VAV3: variants seen among roughly 807,000 people sequenced by gnomAD.
The protein encoded by VAV3 is guanine nucleotide exchange factor VAV3.
VAV3 carries 94 observed loss-of-function variants against 131.2 expected under a neutral mutation model. The ratio of observed to expected loss-of-function variants is 0.72; its 90% CI spans 0.61 to 0.85. The LOEUF is 0.85. Among genes scored for constraint, VAV3 ranks in the 40% least tolerant of loss-of-function variants. The probability of loss-of-function intolerance (pLI) is 0.00; values close to 1 mark genes in which losing one functional copy is unlikely to be tolerated. For synonymous variants in VAV3, 349 were observed against 342.0 expected (o/e 1.02, Z -0.22); for missense variants, 939 against 1,002.7 (o/e 0.94, Z 0.86).
At chr1:107,761,897 C>G (rs528187137) in intron 9 of VAV3, among the ~76,000 whole-genome samples, 61 of 152,136 alleles carry the variant, frequency 4.0e-4, no homozygotes, top group Admixed American at 1.4e-3. Flanking sequence ...GATTTAGAAG[C>G]CTTGGATTGT....
intron 15 of VAV3, among the ~76,000 whole-genome samples, chr1:107,740,630 T>C (rs533030346): frequency 3.2e-4 from 48 of 152,196 alleles, no homozygotes; most frequent in Non-Finnish European, 6.5e-4. Flanking sequence ...ATCACACTTC[T>C]ACAAAAGGCC....
intron 25 of VAV3, among the ~76,000 whole-genome samples, chr1:107,586,576 C>T (rs1022616124): frequency 2.0e-5 from 3 of 151,884 alleles, no homozygotes; most frequent in Non-Finnish European, 4.4e-5. Context: ...AATTTTTGTG[C>T]CCGGTCTGAC....
At chr1:107,583,266 G>C (rs1328067827) in intron 25 of VAV3, among the ~76,000 whole-genome samples, 3 of 151,866 alleles carry the variant, frequency 2.0e-5, no homozygotes, top group Non-Finnish European at 4.4e-5. Flanking sequence ...GGTTGTTTGA[G>C]TAAGAGCTAT....
chr1:107,890,500 T>C lies in VAV3; in HGVS notation c.205-15483A>G, dbSNP rs12081899. On this transcript the variant is annotated intron_variant, in intron 1 of 26. Transcript: ENST00000370056. ...GAAACTTGCTAATCCAAACAATCTCTATTACCCCTCACCACATTCTCACCA... is the reference window on the plus strand; with the variant it reads ...GAAACTTGCTAATCCAAACAATCTCCATTACCCCTCACCACATTCTCACCA... Among the ~76,000 whole-genome samples, 626 of 152,308 alleles carry C rather than the reference T, an allele frequency of 4.1e-3. 5 individuals carry two copies. The highest frequency in any genetic ancestry group is 0.014 in the African/African-American group (588 of 41,576).
At position 107,624,310 on chromosome 1, in the gene VAV3, T is replaced by G. The variant is rs4323742; in HGVS notation, c.1915-6678A>C. Among the ~76,000 whole-genome samples, 3 of 151,778 alleles carry G rather than the reference T, an allele frequency of 2.0e-5. No individual in the cohort carries two copies. In the South Asian group the frequency reaches 6.2e-4, roughly 32 times the overall value. On this transcript the variant is annotated intron_variant, in intron 20 of 26. Coordinates refer to ENST00000370056, the MANE Select transcript of VAV3 (RefSeq NM_006113.5). ...TCCTCTGATCATGGGTGTCTTAATG[T>G]TTTTTCTCCAAAGTCTCACTGGGTG...
chr1:107,646,635 C>G (rs188310749), intron 19 of VAV3, among the ~76,000 whole-genome samples: 100 of 152,188 alleles, frequency 6.6e-4, no homozygotes, highest in African/African-American at 2.3e-3. Context: ...GTACAGCTAA[C>G]TATGCCCTTA....
intron 19 of VAV3, among the ~76,000 whole-genome samples, chr1:107,643,971 AT>A (rs1465327912): frequency 6.6e-6 from 1 of 152,062 alleles, no homozygotes; most frequent in African/African-American, 2.4e-5. Context: ...GAGTTGCTAC[AT>A]CCTCCTTTGC....
chr1:107,647,473 A>G (rs1655820016), intron 19 of VAV3, among the ~76,000 whole-genome samples: 1 of 151,914 alleles, frequency 6.6e-6, no homozygotes, highest in Non-Finnish European at 1.5e-5. Flanking sequence ...CTGCCTTCAA[A>G]CAGCCTATAG....
intron 19 of VAV3, 95 bp from the exon 20 acceptor site, chr1:107,642,850 A>G (rs549404569): frequency 1.3e-6 from 2 of 1,542,550 alleles, no homozygotes; most frequent in African/African-American, 2.8e-5. Flanking sequence ...AACATTAAAA[A>G]GTGTTAATAC....
At chr1:107,867,574 A>G (rs140081458) in intron 2 of VAV3, among the ~76,000 whole-genome samples, 59 of 152,278 alleles carry the variant, frequency 3.9e-4, no homozygotes, top group African/African-American at 1.3e-3. Context: ...CTTTGCCTAA[A>G]AAAAGGTAGC....
chr1:107,697,959 T>C (rs948877814), intron 17 of VAV3, among the ~76,000 whole-genome samples: 2 of 152,190 alleles, frequency 1.3e-5, no homozygotes, highest in African/African-American at 4.8e-5. Context: ...CATATCATCA[T>C]CACAGATCAT....
At chr1:107,757,037 T>TA (rs59567980) in intron 11 of VAV3, among the ~76,000 whole-genome samples, 35,406 of 144,830 alleles carry the variant, frequency 0.24, 4,447 homozygotes, top group Non-Finnish European at 0.27. Context: ...ACTATTCCAG[T>TA]AAAAAAAAAA....
In VAV3 at chr1:107,745,836, C is replaced by A. The variant is rs533056222; in HGVS notation, c.1502+3132G>T. Among the ~76,000 whole-genome samples, 25 of 152,256 alleles carry A rather than the reference C, an allele frequency of 1.6e-4. 1 individual carries two copies. In the South Asian group the frequency reaches 5.0e-3, roughly 30 times the overall value. Reference sequence around the variant, plus strand: ...AAAAATATCAGCTCCCTTGATTTCCCTCCACCCTCTCACCAATGCCTCCCT... The same window carrying A: ...AAAAATATCAGCTCCCTTGATTTCCATCCACCCTCTCACCAATGCCTCCCT... On this transcript the variant is annotated intron_variant, in intron 15 of 26. Coordinates refer to ENST00000370056, the MANE Select transcript of VAV3 (RefSeq NM_006113.5).
chr1:107,864,415 A>G (rs1409932986), intron 2 of VAV3, among the ~76,000 whole-genome samples: 1 of 152,180 alleles, frequency 6.6e-6, no homozygotes, highest in African/African-American at 2.4e-5. Flanking sequence ...TGAGCTCAAG[A>G]GTTTGAGGCC....
chr1:107,856,929 C>G (rs1296614061), intron 2 of VAV3, among the ~76,000 whole-genome samples: 1 of 152,078 alleles, frequency 6.6e-6, no homozygotes, highest in Non-Finnish European at 1.5e-5. Flanking sequence ...GTCCTAGTTA[C>G]TTGGCAGGCT....
chr1:107,933,748 C>G (rs1466597271), intron 1 of VAV3, among the ~76,000 whole-genome samples: 1 of 138,300 alleles, frequency 7.2e-6, no homozygotes, highest in African/African-American at 2.7e-5. Context: ...CCCAGGAATT[C>G]AAGGCTTCAG....
chr1:107,831,228 T>G (rs1668234835), intron 2 of VAV3, among the ~76,000 whole-genome samples: 1 of 152,100 alleles, frequency 6.6e-6, no homozygotes, highest in South Asian at 2.1e-4. Flanking sequence ...TTATAAACAA[T>G]ACATGAAAAA....
chr1:107,832,253 G>C (rs10494079), intron 2 of VAV3, among the ~76,000 whole-genome samples: 14,167 of 152,254 alleles, frequency 0.093, 834 homozygotes, highest in East Asian at 0.25. Flanking sequence ...GAAATTAGAA[G>C]ATGGTAATTA....
intron 1 of VAV3, among the ~76,000 whole-genome samples, chr1:107,881,412 G>T (rs887054839): frequency 2.6e-5 from 4 of 152,148 alleles, no homozygotes; most frequent in African/African-American, 9.7e-5. Context: ...CACTGAAAAT[G>T]GTAACTTAGC....
Sources: allele counts gnomAD v4.1 joint callset (sites outside exome capture counted in the v4.1 genomes callset), GRCh38; gene constraint gnomAD v4.1.1; transcripts MANE v1.5; gene names NCBI Gene and HGNC (gene_info 2026-07-23, HGNC 2026-07-21).